Variants in ACER3 observed in about 807,000 individuals in gnomAD.
The protein encoded by ACER3 is alkaline ceramidase 3.
ACER3 carries 16 observed loss-of-function variants against 48.9 expected under a neutral mutation model. The ratio of observed to expected loss-of-function variants is 0.33; its 90% CI spans 0.22 to 0.50. The LOEUF (loss-of-function observed/expected upper bound fraction) is 0.50, where lower values mean the gene tolerates loss of function less well. Among genes scored for constraint, ACER3 ranks in the 20% least tolerant of loss-of-function variants. ACER3 has a pLI of 0.98. For synonymous variants in ACER3, 109 were observed against 107.8 expected (o/e 1.01, Z -0.07); for missense variants, 227 against 326.0 (o/e 0.70, Z 2.34).
In ACER3 at chr11:76,875,107, C is replaced by CTTTTTTTTTTTTTTTTTTTTTTT. The variant is rs10676364; in HGVS notation, c.103+14032_103+14054dup. 1.2e-4 allele frequency among the ~76,000 whole-genome samples: 9 copies of CTTTTTTTTTTTTTTTTTTTTTTT among 78,164 alleles called. 3 individuals are homozygous for CTTTTTTTTTTTTTTTTTTTTTTT. Among genetic ancestry groups the CTTTTTTTTTTTTTTTTTTTTTTT allele is most frequent in the African/African-American group, 3.2e-4 (9 of 27,878 alleles). The allele number at this position is 78,164 out of a possible 152,430, so 51.3% of individuals were successfully genotyped here. A position where few individuals can be genotyped will look rare whatever the true frequency, so the allele number is the denominator to read the frequency against. ...TTCTAACATGGCATGAAAAGCACTT[C>CTTTTTTTTTTTTTTTTTTTTTTT]TTTTTTTTTTTTTTTTTTTTTTTTT... is the stretch of plus-strand genomic sequence containing the variant. On this transcript the variant is annotated intron_variant, in intron 1 of 10. Coordinates refer to ENST00000532485, the MANE Select transcript of ACER3 (RefSeq NM_018367.7).
intron 1 of ACER3, among the ~76,000 whole-genome samples, chr11:76,925,940 T>C (rs1355499790): frequency 6.6e-6 from 1 of 152,218 alleles, no homozygotes; most frequent in African/African-American, 2.4e-5. Flanking sequence ...TATTTACTTA[T>C]AAATTCTACT....
At chr11:76,909,484 GA>G (rs1396442111) in intron 1 of ACER3, among the ~76,000 whole-genome samples, 2 of 152,092 alleles carry the variant, frequency 1.3e-5, no homozygotes, top group Non-Finnish European at 2.9e-5. Flanking sequence ...CTTTTCAAAA[GA>G]AGACATTTAT....
chr11:77,002,856 TA>T (rs1454020943), intron 7 of ACER3, among the ~76,000 whole-genome samples: 14 of 152,142 alleles, frequency 9.2e-5, no homozygotes, highest in African/African-American at 2.9e-4. Flanking sequence ...AGAGGACAAA[TA>T]CTACGAGTCC....
intron 1 of ACER3, among the ~76,000 whole-genome samples, chr11:76,888,984 C>T (rs1404183079): frequency 6.6e-6 from 1 of 152,022 alleles, no homozygotes; most frequent in Non-Finnish European, 1.5e-5. Flanking sequence ...TACTTTTTAC[C>T]CTGTAACCAG....
Position 76,935,813 on chromosome 11 carries a change from G to A in ACER3, c.214+9146G>A, listed in dbSNP as rs1590956922. ...ACATTTAAATAAAATGTAAAATTCAGTTCCTTTGTCACACTAGCCACATTT... is the reference window on the plus strand; with the variant it reads ...ACATTTAAATAAAATGTAAAATTCAATTCCTTTGTCACACTAGCCACATTT... On this transcript the variant is annotated intron_variant, in intron 2 of 10. Transcript: ENST00000532485. Among the ~76,000 whole-genome samples, 3 of 152,144 alleles carry A rather than the reference G, an allele frequency of 2.0e-5. No individual in the cohort carries two copies. The South Asian group carries it at 6.2e-4, about 31-fold the overall frequency.
At chr11:76,899,478 T>C (rs2134660616) in intron 1 of ACER3, among the ~76,000 whole-genome samples, 1 of 152,330 alleles carries the variant, frequency 6.6e-6, no homozygotes, top group Non-Finnish European at 1.5e-5. Flanking sequence ...TAGTCAAATA[T>C]ATGCCTTTCT....
intron 1 of ACER3, among the ~76,000 whole-genome samples, chr11:76,877,874 G>C (rs1945425786): frequency 6.7e-6 from 1 of 149,722 alleles, no homozygotes; most frequent in African/African-American, 2.5e-5. Flanking sequence ...AGGTTTGCTT[G>C]TTTTATATTT....
intron 2 of ACER3, among the ~76,000 whole-genome samples, chr11:76,942,001 T>A (rs1302160688): frequency 6.6e-6 from 1 of 152,182 alleles, no homozygotes; most frequent in Non-Finnish European, 1.5e-5. Context: ...ACTATTGATT[T>A]ATGTACATTG....
intron 9 of ACER3, 195 bp from the exon 10 acceptor site, chr11:77,019,536 C>G (rs1949435571): frequency 1.7e-6 from 1 of 596,862 alleles, no homozygotes; most frequent in African/African-American, 1.9e-5. Context: ...TACAGCACAT[C>G]CATTTACAGC....
At position 77,022,837 on chromosome 11, in the gene ACER3, C is replaced by A; in HGVS notation, c.*2510C>A. ...ATATTTTAGAAAATACTTTGTGAGGCCGGGCATGGTGGCAGAGCGAGACTC... is the reference window on the plus strand; with the variant it reads ...ATATTTTAGAAAATACTTTGTGAGGACGGGCATGGTGGCAGAGCGAGACTC... On this transcript the variant is annotated 3_prime_UTR_variant, in exon 11 of 11. Coordinates refer to ENST00000532485, the MANE Select transcript of ACER3 (RefSeq NM_018367.7). 1 of 272,294 alleles carries A rather than the reference C, an allele frequency of 3.7e-6. No homozygotes were observed. Among genetic ancestry groups the A allele is most frequent in the Non-Finnish European group, 6.7e-6 (1 of 149,794 alleles). 16.9% of individuals were successfully genotyped at this position (272,294 alleles called of 1,614,324 possible).
At position 76,908,214 on chromosome 11, in the gene ACER3, C is replaced by T. The variant is rs112807023; in HGVS notation, c.104-18343C>T. ...TCGTGCCACTGCACTCTAGCCTGGG[C>T]GACAGAGCAAGACTCCATCTTGATT... On this transcript the variant is annotated intron_variant, in intron 1 of 10. Coordinates refer to ENST00000532485, the MANE Select transcript of ACER3 (RefSeq NM_018367.7). Among the ~76,000 whole-genome samples the T allele has an allele frequency of 7.3e-3, 1,107 of 152,122 alleles. 16 individuals are homozygous for T. Among genetic ancestry groups the T allele is most frequent in the African/African-American group, 0.025 (1,033 of 41,464 alleles).
At chr11:76,901,944 C>T (rs941440617) in intron 1 of ACER3, among the ~76,000 whole-genome samples, 1 of 152,052 alleles carries the variant, frequency 6.6e-6, no homozygotes, top group Non-Finnish European at 1.5e-5. Flanking sequence ...GGACATAAGA[C>T]AATGTGAGGG....
At chr11:76,932,423 C>G (rs538489039) in intron 2 of ACER3, among the ~76,000 whole-genome samples, 3 of 152,304 alleles carry the variant, frequency 2.0e-5, no homozygotes, top group East Asian at 1.9e-4. Flanking sequence ...ATTTCACAAT[C>G]TGTTGCTCAT....
At chr11:76,973,814 C>T (rs1003684434) in intron 3 of ACER3, among the ~76,000 whole-genome samples, 2 of 152,098 alleles carry the variant, frequency 1.3e-5, no homozygotes, top group Non-Finnish European at 2.9e-5. Flanking sequence ...TTGCCTAATC[C>T]AAGGTCGTGA....
chr11:76,997,807 C>T (rs777617903), intron 6 of ACER3, among the ~76,000 whole-genome samples: 7 of 152,152 alleles, frequency 4.6e-5, no homozygotes, highest in Non-Finnish European at 7.3e-5. Context: ...CACTGCACTC[C>T]AGCCTAGACA....
intron 1 of ACER3, among the ~76,000 whole-genome samples, chr11:76,904,040 G>C (rs906944359): frequency 6.6e-6 from 1 of 152,140 alleles, no homozygotes; most frequent in Non-Finnish European, 1.5e-5. Flanking sequence ...AGGTTGGAGT[G>C]CAGTGGTGCA....
At chr11:77,019,604 G>T in intron 9 of ACER3, 127 bp from the exon 10 acceptor site, 1 of 772,118 alleles carries the variant, frequency 1.3e-6, no homozygotes, top group Non-Finnish European at 2.2e-6. Flanking sequence ...CTGAACAAAT[G>T]AAGCATATAC....
At chr11:76,873,789 T>TA (rs1945301607) in intron 1 of ACER3, among the ~76,000 whole-genome samples, 1 of 152,092 alleles carries the variant, frequency 6.6e-6, no homozygotes, top group African/African-American at 2.4e-5. Flanking sequence ...GGTGTGTGTA[T>TA]GTGTAAATAA....
At chr11:76,861,206 T>A in intron 1 of ACER3, 127 bp downstream of exon 1, 2 of 834,138 alleles carry the variant, frequency 2.4e-6, no homozygotes, top group Non-Finnish European at 3.5e-6. Context: ...GGAGCTGGAA[T>A]GCGGCGCCCT....
Sources: allele counts gnomAD v4.1 joint callset (sites outside exome capture counted in the v4.1 genomes callset), GRCh38; gene constraint gnomAD v4.1.1; transcripts MANE v1.5; gene names NCBI Gene and HGNC (gene_info 2026-07-23, HGNC 2026-07-21).